The following CDC42EP3 variants were observed in gnomAD, a reference collection of about 807,000 sequenced individuals.
CDC42EP3 encodes CDC42 effector protein (Rho GTPase binding) 3.
Under a neutral mutation model 15.5 loss-of-function variants are expected in CDC42EP3, and 4 were observed. The ratio of observed to expected loss-of-function variants is 0.26; its 90% CI spans 0.13 to 0.59. The LOEUF is 0.59. Among genes scored for constraint, CDC42EP3 ranks in the 20% least tolerant of loss-of-function variants. CDC42EP3 has a pLI of 0.89. For synonymous variants in CDC42EP3, 145 were observed against 130.3 expected (o/e 1.11, Z -0.77); for missense variants, 309 against 311.2 (o/e 0.99, Z 0.05).
chr2:37,654,597 C>T (rs1366705396), intron 1 of CDC42EP3, among the ~76,000 whole-genome samples: 3 of 152,028 alleles, frequency 2.0e-5, no homozygotes, highest in African/African-American at 7.3e-5. Flanking sequence ...GAGGGGAGGG[C>T]GGTTACCCTG....
intron 1 of CDC42EP3, among the ~76,000 whole-genome samples, chr2:37,656,897 A>G (rs910200732): frequency 6.7e-6 from 1 of 148,964 alleles, no homozygotes; most frequent in African/African-American, 2.5e-5. Flanking sequence ...ACTTTTCAGT[A>G]TTTTTGCTAT....
At chr2:37,662,149 A>G (rs1309869182) in intron 1 of CDC42EP3, among the ~76,000 whole-genome samples, 1 of 152,174 alleles carries the variant, frequency 6.6e-6, no homozygotes, top group Non-Finnish European at 1.5e-5. Flanking sequence ...ACTTTTTACC[A>G]GCGAATACAA....
intron 1 of CDC42EP3, among the ~76,000 whole-genome samples, chr2:37,650,875 C>T (rs1485322133): frequency 6.6e-6 from 1 of 152,194 alleles, no homozygotes; most frequent in Non-Finnish European, 1.5e-5. Context: ...CAATATCTAT[C>T]AAAACTGCAA....
intron 1 of CDC42EP3, among the ~76,000 whole-genome samples, chr2:37,669,447 G>A (rs1666341120): frequency 6.6e-6 from 1 of 152,172 alleles, no homozygotes; most frequent in Admixed American, 6.5e-5. Flanking sequence ...TTACGGCTTT[G>A]TATTTATTCA....
intron 1 of CDC42EP3, among the ~76,000 whole-genome samples, chr2:37,647,116 A>T (rs1665505250): frequency 6.6e-6 from 1 of 152,254 alleles, no homozygotes; most frequent in African/African-American, 2.4e-5. Context: ...TAAGCATAGG[A>T]TCAGTGATTT....
chr2:37,657,911 C>G (rs913125513), intron 1 of CDC42EP3, among the ~76,000 whole-genome samples: 12 of 152,186 alleles, frequency 7.9e-5, no homozygotes, highest in African/African-American at 2.7e-4. Flanking sequence ...GGCCTCAAAT[C>G]TCAGTAGTGC....
intron 1 of CDC42EP3, among the ~76,000 whole-genome samples, chr2:37,649,275 A>C (rs908140411): frequency 6.6e-6 from 1 of 151,386 alleles, no homozygotes; most frequent in Non-Finnish European, 1.5e-5. Flanking sequence ...ACATAATGGG[A>C]CCTCATCTCT....
chr2:37,660,663 T>C (rs139608723), intron 1 of CDC42EP3, among the ~76,000 whole-genome samples: 262 of 152,328 alleles, frequency 1.7e-3, no homozygotes, highest in African/African-American at 5.7e-3. Flanking sequence ...AATTTCATTT[T>C]AAGTTACTTT....
intron 1 of CDC42EP3, among the ~76,000 whole-genome samples, chr2:37,647,105 G>A (rs1453016419): frequency 6.6e-6 from 1 of 152,234 alleles, no homozygotes; most frequent in Non-Finnish European, 1.5e-5. Flanking sequence ...AAGAATTGCT[G>A]TAAGCATAGG....
At chr2:37,648,287 G>A (rs1665541146) in intron 1 of CDC42EP3, among the ~76,000 whole-genome samples, 1 of 152,240 alleles carries the variant, frequency 6.6e-6, no homozygotes, top group Admixed American at 6.5e-5. Context: ...ACTGGCTGCA[G>A]AGCCTGCAAA....
At position 37,663,235 on chromosome 2, in the gene CDC42EP3, TG is replaced by T. The variant is rs1210967578; in HGVS notation, c.-236+8190del. Among the ~76,000 whole-genome samples the T allele has an allele frequency of 3.9e-5, 6 of 152,330 alleles. No individual in the cohort carries two copies. The East Asian group carries it at 1.2e-3, about 29-fold the overall frequency. On this transcript the variant is annotated intron_variant, in intron 1 of 1. Coordinates refer to ENST00000295324, the MANE Select transcript of CDC42EP3 (RefSeq NM_006449.5). ...ACCTTCCATGTGCCTCCCCAGCCCC[TG>T]GCTGGTCCCTCATGTGTTCAACAAC...
intron 1 of CDC42EP3, among the ~76,000 whole-genome samples, chr2:37,651,655 T>C (rs553851534): frequency 6.6e-6 from 1 of 152,204 alleles, no homozygotes; most frequent in Non-Finnish European, 1.5e-5. Flanking sequence ...AGAGAAACAT[T>C]TGTAGTCGGA....
At chr2:37,663,464 A>G (rs1185001035) in intron 1 of CDC42EP3, among the ~76,000 whole-genome samples, 1 of 152,250 alleles carries the variant, frequency 6.6e-6, no homozygotes, top group Non-Finnish European at 1.5e-5. Flanking sequence ...CTAAGTGGAC[A>G]CATGGGTGCC....
chr2:37,667,944 T>C, intron 1 of CDC42EP3, among the ~76,000 whole-genome samples: 1 of 152,186 alleles, frequency 6.6e-6, no homozygotes. Flanking sequence ...AAGAGCAATA[T>C]AATAGTCTGC....
At chr2:37,659,153 G>C (rs1311671692) in intron 1 of CDC42EP3, among the ~76,000 whole-genome samples, 1 of 152,150 alleles carries the variant, frequency 6.6e-6, no homozygotes, top group Non-Finnish European at 1.5e-5. Context: ...CTATAATCTG[G>C]GAGAGAGAAC....
chr2:37,671,196 A>G (rs1212445330), intron 1 of CDC42EP3, among the ~76,000 whole-genome samples: 1 of 152,246 alleles, frequency 6.6e-6, no homozygotes, highest in Non-Finnish European at 1.5e-5. Context: ...AGTAGTGGGC[A>G]CAAATGGTGG....
At chr2:37,665,560 G>C (rs1302721061) in intron 1 of CDC42EP3, among the ~76,000 whole-genome samples, 1 of 152,212 alleles carries the variant, frequency 6.6e-6, no homozygotes, top group African/African-American at 2.4e-5. Context: ...TTTAAAAAAT[G>C]TATGTAGCCT....
At chr2:37,672,144 C>T (rs1307148376), upstream of CDC42EP3, 1 of 151,124 alleles carries the variant, frequency 6.6e-6, no homozygotes, top group African/African-American at 2.5e-5. Context: ...GAGTGCGCCG[C>T]CCCGGCCAGG....
intron 1 of CDC42EP3, among the ~76,000 whole-genome samples, chr2:37,664,302 A>G (rs532840054): frequency 1.3e-5 from 2 of 152,250 alleles, no homozygotes; most frequent in African/African-American, 4.8e-5. Context: ...CAAGTTCTTC[A>G]GTTTTTGGAC....
Sources: gnomAD v4.1 joint callset for allele counts (sites outside exome capture counted in the v4.1 genomes callset) on GRCh38, gnomAD v4.1.1 for gene constraint, MANE v1.5 for transcripts, NCBI Gene and HGNC (gene_info 2026-07-23, HGNC 2026-07-21) for gene names.